Variants in PRR16 observed in about 807,000 individuals in gnomAD.
PRR16 encodes proline rich 16.
PRR16 carries 6 observed loss-of-function variants against 18.2 expected under a neutral mutation model. The observed-to-expected ratio is 0.33, with a 90% confidence interval of 0.18 to 0.65. The LOEUF (loss-of-function observed/expected upper bound fraction) is 0.65, where lower values mean the gene tolerates loss of function less well. PRR16 is among the 30% of genes least tolerant of loss of function. The pLI, the probability that PRR16 is intolerant of heterozygous loss-of-function variation, is 0.74. For missense variants in PRR16, 412 were observed against 376.6 expected (o/e 1.09, Z -0.78); for synonymous variants, 151 against 147.8 (o/e 1.02, Z -0.16).
At chr5:120,708,256 C>T in the PRR16 span, among the ~76,000 whole-genome samples, 4 of 152,158 alleles carry the variant, frequency 2.6e-5, no homozygotes, top group African/African-American at 9.6e-5. Context: ...TTCATTACTC[C>T]TTGCTCTTTA....
chr5:120,714,464 G>A, the PRR16 span, among the ~76,000 whole-genome samples: 1 of 152,102 alleles, frequency 6.6e-6, no homozygotes, highest in Non-Finnish European at 1.5e-5. Context: ...AGTCAGAATG[G>A]TGATTATTAA....
At chr5:120,697,904 A>T in the PRR16 span, among the ~76,000 whole-genome samples, 1 of 152,100 alleles carries the variant, frequency 6.6e-6, no homozygotes, top group Non-Finnish European at 1.5e-5. Flanking sequence ...TTTGTGGTGG[A>T]ATGTCATCAG....
At chr5:120,486,565 G>T (rs1749807574) in intron 1 of PRR16, among the ~76,000 whole-genome samples, 1 of 152,094 alleles carries the variant, frequency 6.6e-6, no homozygotes, top group Non-Finnish European at 1.5e-5. Context: ...CAGATGAGTA[G>T]ATTGCAAAAA....
chr5:120,785,230 T>C, the PRR16 span, among the ~76,000 whole-genome samples: 1 of 152,192 alleles, frequency 6.6e-6, no homozygotes, highest in African/African-American at 2.4e-5. Flanking sequence ...AACCTTTTTC[T>C]AACTCTGCAA....
At chr5:120,474,589 C>T (rs1312331245) in intron 1 of PRR16, among the ~76,000 whole-genome samples, 4 of 150,172 alleles carry the variant, frequency 2.7e-5, no homozygotes, top group African/African-American at 4.9e-5. Flanking sequence ...TATTTGCTAT[C>T]TTTTTTTTAA....
At chr5:120,643,018 C>T (rs1286133235) in intron 1 of PRR16, among the ~76,000 whole-genome samples, 1 of 152,034 alleles carries the variant, frequency 6.6e-6, no homozygotes, top group African/African-American at 2.4e-5. Flanking sequence ...AAATGGATAG[C>T]TTGCTCTTTA....
intron 1 of PRR16, among the ~76,000 whole-genome samples, chr5:120,532,347 T>A (rs916984181): frequency 3.3e-5 from 5 of 152,134 alleles, no homozygotes; most frequent in Non-Finnish European, 7.4e-5. Flanking sequence ...CTCCTTGAAT[T>A]TACATAGTAG....
intron 1 of PRR16, among the ~76,000 whole-genome samples, chr5:120,566,103 G>A (rs954387648): frequency 6.6e-5 from 10 of 152,266 alleles, no homozygotes; most frequent in African/African-American, 2.2e-4. Context: ...GGCCTTGAGG[G>A]CTCCTTTCTC....
chr5:120,599,873 A>G (rs1445169084), intron 1 of PRR16, among the ~76,000 whole-genome samples: 1 of 151,756 alleles, frequency 6.6e-6, no homozygotes, highest in Non-Finnish European at 1.5e-5. Context: ...CTGGTTTGTA[A>G]GGAGCTCCTG....
chr5:120,499,710 G>A (rs1262983712), intron 1 of PRR16, among the ~76,000 whole-genome samples: 2 of 149,780 alleles, frequency 1.3e-5, no homozygotes, highest in Non-Finnish European at 3.0e-5. Context: ...TTCTGTGACA[G>A]CTGCTTTAAA....
At chr5:120,591,935 GT>G (rs1753648874) in intron 1 of PRR16, among the ~76,000 whole-genome samples, 1 of 152,130 alleles carries the variant, frequency 6.6e-6, no homozygotes, top group East Asian at 1.9e-4. Flanking sequence ...TGCTGAAACA[GT>G]TTTGTAAGAG....
chr5:120,638,895 A>C (rs1365948869), intron 1 of PRR16, among the ~76,000 whole-genome samples: 1 of 152,094 alleles, frequency 6.6e-6, no homozygotes, highest in Admixed American at 6.6e-5. Flanking sequence ...CTAATCTAAT[A>C]TAGGAAGATG....
At chr5:120,788,256 T>C in the PRR16 span, among the ~76,000 whole-genome samples, 12 of 152,056 alleles carry the variant, frequency 7.9e-5, no homozygotes, top group Admixed American at 2.0e-4. Flanking sequence ...TCTAGAGTAG[T>C]ACACAGTAGG....
At chr5:120,573,903 G>GTA (rs5870899) in intron 1 of PRR16, among the ~76,000 whole-genome samples, 68,341 of 150,346 alleles carry the variant, frequency 0.45, 15,786 homozygotes, top group Middle Eastern at 0.52. Context: ...TGATATGTGT[G>GTA]TATATATATA....
intron 1 of PRR16, among the ~76,000 whole-genome samples, chr5:120,655,448 A>C (rs1010281202): frequency 1.3e-5 from 2 of 151,370 alleles, no homozygotes; most frequent in Non-Finnish European, 3.0e-5. Context: ...GCATAAAAAG[A>C]GATGGACCTA....
chr5:120,493,141 TC>T (rs1750122633), intron 1 of PRR16, among the ~76,000 whole-genome samples: 1 of 152,216 alleles, frequency 6.6e-6, no homozygotes, highest in African/African-American at 2.4e-5. Flanking sequence ...TATATTATTT[TC>T]CATAGTGTTA....
At chr5:120,750,050 A>C in the PRR16 span, among the ~76,000 whole-genome samples, 2 of 152,096 alleles carry the variant, frequency 1.3e-5, no homozygotes, top group Non-Finnish European at 2.9e-5. Context: ...ATTCTCTAAA[A>C]TTTTTTCATT....
At chr5:120,673,115 TA>T (rs1756671704) in intron 1 of PRR16, among the ~76,000 whole-genome samples, 1 of 152,206 alleles carries the variant, frequency 6.6e-6, no homozygotes, top group South Asian at 2.1e-4. Context: ...GAAAGAAAAG[TA>T]AAAACCTCAT....
intron 1 of PRR16, among the ~76,000 whole-genome samples, chr5:120,467,349 TA>T (rs950949284): frequency 6.6e-5 from 10 of 152,114 alleles, no homozygotes; most frequent in African/African-American, 1.9e-4. Context: ...AAATTAAAAA[TA>T]AAAAAGTAGT....
Sources: gnomAD v4.1 joint callset for allele counts (sites outside exome capture counted in the v4.1 genomes callset) on GRCh38, gnomAD v4.1.1 for gene constraint, MANE v1.5 for transcripts, NCBI Gene and HGNC (gene_info 2026-07-23, HGNC 2026-07-21) for gene names.